The following IK variants were observed in gnomAD, a reference collection of about 807,000 sequenced individuals.
The protein encoded by IK is protein Red.
A neutral mutation model predicts 90.9 loss-of-function variants in IK; 47 were observed. The ratio of observed to expected loss-of-function variants is 0.52; its 90% CI spans 0.41 to 0.66. IK has a LOEUF of 0.66. Ranked by LOEUF, IK falls within the 30% of genes least tolerant of loss-of-function variation. The pLI is 0.00. For synonymous variants in IK, 201 were observed against 227.5 expected, an observed-to-expected ratio of 0.88 and a Z score of 1.05; for missense variants, 385 against 709.3, an observed-to-expected ratio of 0.54 and a Z score of 5.19.
rs757284660 is a variant in IK at position 140,662,216 on chromosome 5, G to A, written c.1646+3G>A. Reference sequence around the variant, plus strand: ...AGGAAGAAGATGGAAGCTGATGGGTGAGCGGCATTATTCTTCCTCTGTGGG... The same window carrying A: ...AGGAAGAAGATGGAAGCTGATGGGTAAGCGGCATTATTCTTCCTCTGTGGG... On this transcript the variant is annotated splice_donor_region_variant and intron_variant, in intron 19 of 19. Transcript: ENST00000417647. 2.7e-5 allele frequency: 43 copies of A among 1,613,996 alleles called. No individual in the cohort carries two copies. The highest frequency in any genetic ancestry group is 3.5e-5 in the Non-Finnish European group (41 of 1,179,896).
intron 1 of IK, 22 bp downstream of exon 1, chr5:140,647,946 A>G (rs1270199576): frequency 1.2e-6 from 2 of 1,612,184 alleles, no homozygotes; most frequent in East Asian, 4.5e-5. Context: ...GCCATCCGTT[A>G]TTTCTTCCCC....
rs1757798830 is a variant in IK, at chr5:140,661,240, T to C, written c.1414-380T>C. 1 of 250,852 alleles carries C rather than the reference T, an allele frequency of 4.0e-6. No homozygotes were observed. 15.5% of individuals were successfully genotyped at this position (250,852 alleles called of 1,614,324 possible). On this transcript the variant is annotated intron_variant, in intron 16 of 19. Transcript: ENST00000417647. This position sits in a 1 kb window ranked among gnomAD's most constrained non-coding sequence, Gnocchi z 4.2. ...ACTAATAGTGAAGAAGTCTGTGTTC[T>C]TCCCCTGAGTTCACTGTATTGAAAT...
intron 5 of IK, among the ~76,000 whole-genome samples, 188 bp from the exon 6 acceptor site, chr5:140,653,750 G>A (rs1434157754): frequency 3.3e-5 from 5 of 151,876 alleles, no homozygotes; most frequent in East Asian, 1.9e-4. Context: ...GACTACAGGC[G>A]CCCACCACCA....
At chr5:140,648,402 ATC>A (rs1757533635) in intron 1 of IK, 67 bp from the exon 2 acceptor site, 2 of 1,383,036 alleles carry the variant, frequency 1.4e-6, no homozygotes, top group Non-Finnish European at 2.1e-6. Flanking sequence ...TCACTACTAT[ATC>A]TCAAATTTTT....
chr5:140,654,443 G>T, intron 6 of IK, 73 bp from the exon 7 acceptor site: 5 of 1,125,198 alleles, frequency 4.4e-6, no homozygotes, highest in Non-Finnish European at 6.5e-6. Context: ...TTAGTTCCTG[G>T]TACAGTGTGG....
chr5:140,652,855 C>A, intron 4 of IK, 122 bp from the exon 5 acceptor site: 2 of 822,230 alleles, frequency 2.4e-6, no homozygotes, highest in African/African-American at 1.7e-5. Context: ...TCTATCAGGA[C>A]AGACATGAGC....
At chr5:140,649,857 T>C (rs1757585346) in intron 2 of IK, among the ~76,000 whole-genome samples, 3 of 152,234 alleles carry the variant, frequency 2.0e-5, no homozygotes. Context: ...TAAATGCATT[T>C]ATACACATAC....
Position 140,648,521 on chromosome 5 carries a change from C to A in IK, c.67C>A (p.Pro23Thr), listed in dbSNP as rs768597912. The A allele has an allele frequency of 1.1e-5, 17 of 1,613,878 alleles. No homozygotes were observed. In the East Asian group the frequency reaches 3.6e-4, roughly 34 times the overall value. The change falls in exon 2 of 20, where the codon CCT (proline) becomes ACT (threonine). Residue 23 changes from proline to threonine, a missense_variant. Pro to Thr is a conservative substitution (Grantham distance 38). Coordinates refer to ENST00000417647, the MANE Select transcript of IK (RefSeq NM_006083.4). ...CCCCGATGGCCACGATGTGGATGAT[C>A]CTCACTCCTTCCACCAGTGAGTATT... is the stretch of plus-strand genomic sequence containing the variant. ...LAPDGHDVDD[P>T]HSFHQSKLTN...
rs753344555 is a variant in IK at position 140,648,461 on chromosome 5, T to G, written c.17-10T>G. ...AGACTGATTAAATTAACGTCAATTT[T>G]TTTTGTCAGGTGAGCCGTTCTCCAA... On this transcript the variant is annotated splice_polypyrimidine_tract_variant and intron_variant, in intron 1 of 19. Coordinates refer to ENST00000417647, the MANE Select transcript of IK (RefSeq NM_006083.4). 1.2e-6 allele frequency: 2 copies of G among 1,613,794 alleles called. No homozygotes were observed. Among genetic ancestry groups the G allele is most frequent in the East Asian group, 4.5e-5 (2 of 44,892 alleles).
intron 2 of IK, among the ~76,000 whole-genome samples, chr5:140,651,509 G>A (rs1393735015): frequency 6.6e-6 from 1 of 151,464 alleles, no homozygotes; most frequent in African/African-American, 2.4e-5. Context: ...GGCCGAGGTG[G>A]GTGGATCACA....
Position 140,654,027 on chromosome 5 carries a change from GC to G in IK, c.495del (p.Leu166TrpfsTer23). The G allele has an allele frequency of 6.2e-7, 1 of 1,609,778 alleles. No individual in the cohort carries two copies. Among genetic ancestry groups the G allele is most frequent in the East Asian group, 2.2e-5 (1 of 44,866 alleles). On this transcript the variant is annotated frameshift_variant, in exon 6 of 20. Coordinates refer to ENST00000417647, the MANE Select transcript of IK (RefSeq NM_006083.4). LOFTEE classifies it high-confidence loss of function. ...GDMEHTHLVKGLDFALLQKVR... is the reference protein window; with the variant it reads ...GDMEHTHLVKXLDFALLQKVR... ...ATGGAACACACCCATTTGGTGAAAG[GC>G]TTGGATTTTGCTCTGCTTCAAAAGG...
In IK at chr5:140,654,695, C is replaced by T; in HGVS notation, c.605C>T (p.Pro202Leu). 1 of 1,604,508 alleles carries T rather than the reference C, an allele frequency of 6.2e-7. No individual in the cohort carries two copies. ...PQKETKKDED[P>L]ENKIEFKTRL... Reference sequence around the variant, plus strand: ...TGTCTTTTCAGGAAAGATGAGGATCCTGAAAATAAAATTGAATTTAAAACA... The same window carrying T: ...TGTCTTTTCAGGAAAGATGAGGATCTTGAAAATAAAATTGAATTTAAAACA... The change falls in exon 8 of 20, where the codon CCT (proline) becomes CTT (leucine). Residue 202 changes from proline to leucine, a missense_variant. By Grantham distance (98) the Pro-to-Leu change is moderately conservative. Around this residue, in one of 8 missense-constraint regions of IK, gnomAD observed 46 missense variants for 50.0 expected, o/e 0.92. Transcript: ENST00000417647.
intron 8 of IK, among the ~76,000 whole-genome samples, chr5:140,655,557 A>T (rs1173293047): frequency 6.6e-6 from 1 of 152,264 alleles, no homozygotes; most frequent in Non-Finnish European, 1.5e-5. Context: ...AGAAGAGTGG[A>T]CAGGAGCCCA....
At chr5:140,648,703 G>A (rs1757546641) in intron 2 of IK, among the ~76,000 whole-genome samples, 166 bp downstream of exon 2, 2 of 151,014 alleles carry the variant, frequency 1.3e-5, no homozygotes, top group Admixed American at 6.6e-5. Flanking sequence ...AAGTGCATAA[G>A]GGTATTAGAA....
chr5:140,657,705 G>T (rs776019260), intron 10 of IK, 43 bp downstream of exon 10: 2 of 1,335,914 alleles, frequency 1.5e-6, no homozygotes, highest in Non-Finnish European at 2.1e-6. Context: ...CACAGAGGAC[G>T]TTTGGGGATA....
chr5:140,660,876 T>C, intron 16 of IK, 61 bp downstream of exon 16: 1 of 1,287,060 alleles, frequency 7.8e-7, no homozygotes, highest in Non-Finnish European at 1.1e-6. Flanking sequence ...TACATGTATC[T>C]CCTTCCCCAC....
rs1467916649 is a variant in IK at position 140,662,475 on chromosome 5, T to A, written c.*146T>A. ...CTTGGTTCCATTAAAATTGGTTAAC[T>A]TGCTATTTTCTTTGTTGAGCATGTC... On this transcript the variant is annotated 3_prime_UTR_variant, in exon 20 of 20. Transcript: ENST00000417647. 1 of 856,336 alleles carries A rather than the reference T, an allele frequency of 1.2e-6. No individual in the cohort carries two copies. Among genetic ancestry groups the A allele is most frequent in the African/African-American group, 1.7e-5 (1 of 58,812 alleles). The allele number at this position is 856,336 out of a possible 1,614,324, so 53.0% of individuals were successfully genotyped here.
At chr5:140,648,793 C>T in intron 2 of IK, 2 of 458,020 alleles carry the variant, frequency 4.4e-6, no homozygotes, top group Non-Finnish European at 7.8e-6. Flanking sequence ...ATAGGAATTA[C>T]TTCTTCCAAT....
chr5:140,659,270 A>C (rs1016880533), intron 12 of IK, 45 bp from the exon 13 acceptor site: 35 of 1,613,234 alleles, frequency 2.2e-5, no homozygotes, highest in Non-Finnish European at 2.7e-5. Flanking sequence ...GATGAGTAGG[A>C]ATCTCTCATG....
Sources: allele counts gnomAD v4.1 joint callset (sites outside exome capture counted in the v4.1 genomes callset), GRCh38; gene constraint gnomAD v4.1.1; regional missense constraint gnomAD v4.1.1; non-coding constraint Gnocchi (gnomAD v3.1); transcripts MANE v1.5; gene names NCBI Gene and HGNC (gene_info 2026-07-23, HGNC 2026-07-21).